The following PERM1 variants were observed in gnomAD, a reference collection of about 807,000 sequenced individuals.
The protein encoded by PERM1 is PPARGC1 and ESRR induced regulator, muscle 1.
A neutral mutation model predicts 44.1 loss-of-function variants in PERM1; 45 were observed. The ratio of observed to expected loss-of-function variants is 1.02; its 90% CI spans 0.80 to 1.31. The LOEUF (loss-of-function observed/expected upper bound fraction) is 1.31, where lower values mean the gene tolerates loss of function less well. Among genes scored for constraint, PERM1 ranks in the 50% most tolerant of loss-of-function variants. The pLI, the probability that PERM1 is intolerant of heterozygous loss-of-function variation, is 0.00. For missense variants in PERM1, 1,189 were observed against 1,106.9 expected, an observed-to-expected ratio of 1.07 and a Z score of -1.05; for synonymous variants, 565 against 477.1, an observed-to-expected ratio of 1.18 and a Z score of -2.40.
exon 1 of PERM1, chr1:980,300 C>G: frequency 1.3e-6 from 2 of 1,550,346 alleles, no homozygotes; most frequent in South Asian, 1.2e-5. Flanking sequence ...TCTTCCTGCA[C>G]AGGGGACCTG....
At chr1:980,141 C>T in exon 1 of PERM1, 1 of 1,550,390 alleles carries the variant, frequency 6.4e-7, no homozygotes, top group Non-Finnish European at 8.7e-7. Context: ...ACAGCCATGT[C>T]TGACTTAGCC....
At chr1:978,848 T>A (rs748680927) in intron 1 of PERM1, 33 bp downstream of exon 2, 1 of 1,443,134 alleles carries the variant, frequency 6.9e-7, no homozygotes, top group Non-Finnish European at 9.2e-7. Context: ...GTGCCTGGGA[T>A]CTGGACGGGC....
At chr1:976,091 G>T in exon 3 of PERM1, 1 of 1,384,114 alleles carries the variant, frequency 7.2e-7, no homozygotes, top group Non-Finnish European at 9.7e-7. Context: ...CAGAGGGCCC[G>T]GGCGAGGGCG....
chr1:981,915 G>T, upstream of PERM1: 3 of 561,586 alleles, frequency 5.3e-6, no homozygotes, highest in Non-Finnish European at 8.2e-6. Flanking sequence ...AAGTCACTTT[G>T]GTGGGGACGG....
exon 1 of PERM1, chr1:979,690 G>A (rs761815255): frequency 1.3e-6 from 2 of 1,550,330 alleles, no homozygotes; most frequent in South Asian, 1.2e-5. Context: ...GGGAACAGGT[G>A]TAGACACAAG....
exon 1 of PERM1, chr1:979,294 G>C: frequency 6.5e-7 from 1 of 1,546,890 alleles, no homozygotes. Context: ...CTCCGGGAGG[G>C]TCACGGCAAA....
exon 1 of PERM1, chr1:980,722 G>A (rs921992632): frequency 1.5e-5 from 21 of 1,418,022 alleles, no homozygotes; most frequent in South Asian, 1.3e-4. Flanking sequence ...GGACGTGCTG[G>A]GTGTCTGCTG....
chr1:976,091 G>A (rs762282116), exon 3 of PERM1: 7 of 1,384,118 alleles, frequency 5.1e-6, no homozygotes, highest in South Asian at 4.1e-5. Context: ...CAGAGGGCCC[G>A]GGCGAGGGCG....
Position 975,948 on chromosome 1 carries a change from C to T in PERM1, c.*224G>A, listed in dbSNP as rs1643585173. ...TCCTACCCAGCCACCTGCCTGCCCT[C>T]CACCCACCCAGACTTTAGCACCTCC... is the stretch of plus-strand genomic sequence containing the variant. On this transcript the variant is annotated 3_prime_UTR_variant, in exon 3 of 3. Coordinates refer to ENST00000433179, the Ensembl canonical transcript of PERM1. 5.6e-6 allele frequency: 3 copies of T among 537,276 alleles called. No individual in the cohort carries two copies. In the South Asian group the frequency reaches 7.7e-5, roughly 14 times the overall value. The allele number at this position is 537,276 out of a possible 1,614,324, so 33.3% of individuals were successfully genotyped here. A position where few individuals can be genotyped will look rare whatever the true frequency, so the allele number is the denominator to read the frequency against.
chr1:976,165 C>G, exon 3 of PERM1: 1 of 1,546,164 alleles, frequency 6.5e-7, no homozygotes, highest in Non-Finnish European at 8.7e-7. Flanking sequence ...TGGCCCGGGC[C>G]TGGCTCCTAG....
chr1:976,323 T>A (rs1435290734), intron 2 of PERM1, 54 bp from the exon 4 acceptor site: 1 of 1,466,866 alleles, frequency 6.8e-7, no homozygotes, highest in Non-Finnish European at 9.0e-7. Flanking sequence ...CGGCACCGTC[T>A]GCCCGCAAGA....
chr1:980,345 C>G (rs1330202728), exon 1 of PERM1: 1 of 1,550,118 alleles, frequency 6.5e-7, no homozygotes, highest in Non-Finnish European at 8.7e-7. Context: ...GGACCTGGCC[C>G]CAACTCCTCC....
chr1:979,011 C>T (rs1185170122), exon 1 of PERM1: 3 of 1,532,720 alleles, frequency 2.0e-6, no homozygotes, highest in Non-Finnish European at 1.8e-6. Flanking sequence ...CCGGCCCCAG[C>T]ACGCCCTCAA....
At chr1:976,587 G>A in exon 2 of PERM1, 1 of 1,549,522 alleles carries the variant, frequency 6.5e-7, no homozygotes, top group Non-Finnish European at 8.7e-7. Flanking sequence ...TGTCATTCTG[G>A]CTGAAGGCAA....
chr1:980,407 A>G, exon 1 of PERM1: 1 of 1,549,852 alleles, frequency 6.5e-7, no homozygotes, highest in Non-Finnish European at 8.7e-7. Flanking sequence ...CGCAGGGAGC[A>G]GCGGGGAGCC....
exon 1 of PERM1, chr1:980,093 T>A: frequency 6.5e-7 from 1 of 1,549,814 alleles, no homozygotes. Flanking sequence ...GACACAGCCA[T>A]GTCCCTGTCA....
At chr1:976,198 T>C (rs1007893326) in exon 3 of PERM1, 3 of 1,544,504 alleles carry the variant, frequency 1.9e-6, no homozygotes, top group African/African-American at 2.7e-5. Flanking sequence ...GGGCTGTGGC[T>C]GCGGCGCCCT....
chr1:981,278 C>T (rs1193502646), upstream of PERM1: 1 of 1,123,434 alleles, frequency 8.9e-7, no homozygotes, highest in Non-Finnish European at 1.3e-6. Flanking sequence ...GACCCTAGTT[C>T]CCAACGCACC....
chr1:980,193 T>C, exon 1 of PERM1: 6 of 1,550,326 alleles, frequency 3.9e-6, no homozygotes, highest in Non-Finnish European at 5.2e-6. Flanking sequence ...TCGTGGACAC[T>C]GTGTGCAGCT....
Sources: allele counts gnomAD v4.1 joint callset, GRCh38; gene constraint gnomAD v4.1.1; transcripts MANE v1.5; gene names NCBI Gene and HGNC (gene_info 2026-07-23, HGNC 2026-07-21).